Variants in UMAD1 observed in about 807,000 individuals in gnomAD.
UMAD1 encodes UBAP1-MVB12-associated (UMA)-domain containing protein 1.
In UMAD1, 8 loss-of-function variants were observed where a neutral mutation model predicts 6.1. The ratio of observed to expected loss-of-function variants is 1.30; its 90% CI spans 0.76 to 2.35. The LOEUF is 2.35. Among genes scored for constraint, UMAD1 ranks in the 30% most tolerant of loss-of-function variants. The pLI, the probability that UMAD1 is intolerant of heterozygous loss-of-function variation, is 0.00. For synonymous variants in UMAD1, 56 were observed against 31.4 expected (o/e 1.78, Z -2.61); for missense variants, 130 against 78.4 (o/e 1.66, Z -2.49).
In UMAD1 at chr7:7,653,965, G is replaced by T. The variant is rs573354576; in HGVS notation, c.-64+13144G>T. Among the ~76,000 whole-genome samples the T allele has an allele frequency of 3.9e-5, 6 of 152,224 alleles. No individual in the cohort carries two copies. In the East Asian group the frequency reaches 1.2e-3, roughly 29 times the overall value. On this transcript the variant is annotated intron_variant, in intron 1 of 3. Coordinates refer to ENST00000682710, the MANE Select transcript of UMAD1 (RefSeq NM_001302348.2). ...TAGAGTGGAGAGATTGAGAAACCTT[G>T]GTCCAATGTAATATGAGATTTCCCC...
intron 3 of UMAD1, among the ~76,000 whole-genome samples, chr7:7,848,010 G>A (rs1783843422): frequency 6.6e-6 from 1 of 152,102 alleles, no homozygotes; most frequent in African/African-American, 2.4e-5. Context: ...AAGCCAATGA[G>A]GAATTTTTAA....
intron 2 of UMAD1, among the ~76,000 whole-genome samples, chr7:7,678,505 A>G (rs1308272271): frequency 3.6e-5 from 5 of 138,516 alleles, no homozygotes; most frequent in Non-Finnish European, 7.7e-5. Context: ...ATATTTATAT[A>G]TTTAATATAG....
Position 7,729,628 on chromosome 7 carries a change from A to G in UMAD1, c.82+56175A>G, listed in dbSNP as rs368902039. ...TCCCCAGACTTCATAGAGCCCTTTG[A>G]CTTGATTTCTTTCCCTTCCTAGATC... On this transcript the variant is annotated intron_variant, in intron 2 of 3. Transcript: ENST00000682710. 2.6e-4 allele frequency among the ~76,000 whole-genome samples: 39 copies of G among 152,156 alleles called. No homozygotes were observed. The East Asian group carries it at 7.2e-3, about 28-fold the overall frequency.
chr7:7,670,050 T>C (rs1446848339), intron 1 of UMAD1, among the ~76,000 whole-genome samples: 1 of 152,236 alleles, frequency 6.6e-6, no homozygotes, highest in African/African-American at 2.4e-5. Context: ...TTAAATTTGA[T>C]GTTTTAGGTC....
chr7:7,724,797 T>G (rs568794097), intron 2 of UMAD1, among the ~76,000 whole-genome samples: 19 of 152,380 alleles, frequency 1.2e-4, no homozygotes, highest in Middle Eastern at 3.4e-3. Context: ...AAATGCCCTT[T>G]TCTCCATTCC....
At chr7:7,641,498 C>G (rs1784973533) in intron 1 of UMAD1, 1 of 152,188 alleles carries the variant, frequency 6.6e-6, no homozygotes, top group Non-Finnish European at 1.5e-5. Context: ...ATGTTTGACT[C>G]AACAGTTTAA....
At position 7,650,553 on chromosome 7, in the gene UMAD1, A is replaced by G. The variant is rs192265213; in HGVS notation, c.-64+9732A>G. The stretch of plus-strand genomic sequence containing the variant: ...ACAGGATGGTAGTGATGGCTGCAGG[A>G]CAGTGTGAATGTACCTAATGCCACT... On this transcript the variant is annotated intron_variant, in intron 1 of 3. Coordinates refer to ENST00000682710, the MANE Select transcript of UMAD1 (RefSeq NM_001302348.2). Among the ~76,000 whole-genome samples the G allele has an allele frequency of 2.5e-3, 382 of 152,328 alleles. 1 individual carries two copies. Among genetic ancestry groups the G allele is most frequent in the African/African-American group, 8.8e-3 (365 of 41,560 alleles).
intron 1 of UMAD1, among the ~76,000 whole-genome samples, chr7:7,672,949 T>G (rs1779644157): frequency 6.6e-6 from 1 of 152,200 alleles, no homozygotes; most frequent in African/African-American, 2.4e-5. Context: ...CAGGTCTGTT[T>G]ATTTTATTTT....
chr7:7,682,715 C>T (rs879925052), intron 2 of UMAD1, among the ~76,000 whole-genome samples: 39 of 152,122 alleles, frequency 2.6e-4, no homozygotes, highest in Non-Finnish European at 8.8e-5. Flanking sequence ...AGTAACTTAC[C>T]CTATCGCTGT....
chr7:7,789,361 T>A (rs549134617), intron 2 of UMAD1, among the ~76,000 whole-genome samples: 16 of 145,430 alleles, frequency 1.1e-4, no homozygotes, highest in Non-Finnish European at 2.1e-4. Context: ...GAGTAGAGAC[T>A]TATTATAACA....
At chr7:7,774,858 C>T (rs971853537) in intron 2 of UMAD1, among the ~76,000 whole-genome samples, 2 of 152,150 alleles carry the variant, frequency 1.3e-5, no homozygotes, top group South Asian at 2.1e-4. Flanking sequence ...TCCCTGGCCA[C>T]CATCTCAAAA....
intron 2 of UMAD1, among the ~76,000 whole-genome samples, chr7:7,685,241 GT>G (rs911329903): frequency 6.6e-6 from 1 of 150,462 alleles, no homozygotes; most frequent in Non-Finnish European, 1.5e-5. Context: ...TTGAGCATCT[GT>G]TTTTTTTATT....
At chr7:7,673,711 C>CTTTT (rs1303262041) in intron 2 of UMAD1, among the ~76,000 whole-genome samples, 1 of 88,434 alleles carries the variant, frequency 1.1e-5, no homozygotes. Flanking sequence ...TTTTCCCCCC[C>CTTTT]TTTTTTTTTT....
At chr7:7,725,354 A>G (rs887359226) in intron 2 of UMAD1, among the ~76,000 whole-genome samples, 68 of 152,262 alleles carry the variant, frequency 4.5e-4, no homozygotes, top group African/African-American at 1.3e-3. Context: ...CTGCTTTGCC[A>G]CTTGGGCCAT....
chr7:7,672,836 A>C (rs1170924012), intron 1 of UMAD1, among the ~76,000 whole-genome samples: 1 of 152,152 alleles, frequency 6.6e-6, no homozygotes, highest in African/African-American at 2.4e-5. Flanking sequence ...TGAGTGTCTC[A>C]ATTAGGTAAC....
In UMAD1 at chr7:7,769,022, A is replaced by G. The variant is rs137956877; in HGVS notation, c.83-32648A>G. Among the ~76,000 whole-genome samples, 44 of 152,336 alleles carry G rather than the reference A, an allele frequency of 2.9e-4. 1 individual carries two copies. Among genetic ancestry groups the G allele is most frequent in the African/African-American group, 9.1e-4 (38 of 41,582 alleles). ...GAGTGGTGACTAAAAGGACCAGTGC[A>G]TTGTGAATTTCTGAAGTCTGAATCA... is the stretch of plus-strand genomic sequence containing the variant. On this transcript the variant is annotated intron_variant, in intron 2 of 3. Coordinates refer to ENST00000682710, the MANE Select transcript of UMAD1 (RefSeq NM_001302348.2).
intron 2 of UMAD1, among the ~76,000 whole-genome samples, chr7:7,727,358 G>C (rs1163762909): frequency 6.6e-6 from 1 of 152,154 alleles, no homozygotes; most frequent in Non-Finnish European, 1.5e-5. Context: ...ATTTGGGTTG[G>C]GGATTGGTGT....
intron 3 of UMAD1, among the ~76,000 whole-genome samples, chr7:7,874,583 G>T (rs1427933212): frequency 6.6e-6 from 1 of 152,162 alleles, no homozygotes; most frequent in Non-Finnish European, 1.5e-5. Context: ...TTGGGAGGCT[G>T]AGGAGGGTGG....
chr7:7,671,617 A>C (rs1779607119), intron 1 of UMAD1, among the ~76,000 whole-genome samples: 1 of 151,966 alleles, frequency 6.6e-6, no homozygotes, highest in Non-Finnish European at 1.5e-5. Flanking sequence ...CTGCTTGCAA[A>C]CCAATTCTTT....
Sources: gnomAD v4.1 joint callset for allele counts (sites outside exome capture counted in the v4.1 genomes callset) on GRCh38, gnomAD v4.1.1 for gene constraint, MANE v1.5 for transcripts, NCBI Gene and HGNC (gene_info 2026-07-23, HGNC 2026-07-21) for gene names.